PHTF2: variants seen among roughly 807,000 people sequenced by gnomAD.
The protein encoded by PHTF2 is putative homeodomain transcription factor 2.
In PHTF2, 60 loss-of-function variants were observed where a neutral mutation model predicts 101.2. That is an observed-to-expected ratio of 0.59 (90% CI 0.48 to 0.73). The LOEUF is 0.73. Ranked by LOEUF, PHTF2 falls within the 30% of genes least tolerant of loss-of-function variation. The pLI, the probability that PHTF2 is intolerant of heterozygous loss-of-function variation, is 0.00. For synonymous variants in PHTF2, 311 were observed against 307.3 expected (o/e 1.01, Z -0.13); for missense variants, 747 against 908.7 (o/e 0.82, Z 2.29).
intron 12 of PHTF2, among the ~76,000 whole-genome samples, chr7:77,936,706 T>TAAAAAAAAAAAAAA (rs1195512245): frequency 7.3e-6 from 1 of 136,942 alleles, no homozygotes; most frequent in African/African-American, 3.0e-5. Context: ...TATGAGTCCT[T>TAAAAAAAAAAAAAA]AAAAATACAC....
At chr7:77,828,570 G>C (rs1794853434) in intron 1 of PHTF2, among the ~76,000 whole-genome samples, 1 of 152,134 alleles carries the variant, frequency 6.6e-6, no homozygotes, top group Non-Finnish European at 1.5e-5. Flanking sequence ...CAGCACTTTG[G>C]GAGGCTGAGG....
intron 16 of PHTF2, among the ~76,000 whole-genome samples, chr7:77,943,213 C>T (rs1805778834): frequency 6.6e-6 from 1 of 152,182 alleles, no homozygotes; most frequent in Non-Finnish European, 1.5e-5. Context: ...CTCCGCCTCC[C>T]GGGTTCACGC....
chr7:77,815,300 A>G (rs570452741), intron 1 of PHTF2, among the ~76,000 whole-genome samples: 2 of 152,204 alleles, frequency 1.3e-5, no homozygotes, highest in East Asian at 3.9e-4. Flanking sequence ...TACCAGGAGT[A>G]TTGATTTTAG....
intron 1 of PHTF2, among the ~76,000 whole-genome samples, chr7:77,809,083 A>C (rs1160041586): frequency 6.6e-6 from 1 of 152,166 alleles, no homozygotes; most frequent in African/African-American, 2.4e-5. Flanking sequence ...TAAGCATTGT[A>C]TAGCCAGAAC....
chr7:77,830,426 G>A (rs2150548815), intron 1 of PHTF2, among the ~76,000 whole-genome samples: 2 of 152,292 alleles, frequency 1.3e-5, no homozygotes, highest in Middle Eastern at 3.4e-3. Flanking sequence ...TGAGCCAGTG[G>A]GCAAGTGAGC....
In PHTF2 at chr7:77,949,434, A is replaced by ATAT. The variant is rs568061354; in HGVS notation, c.1960-239_1960-237dup. Among the ~76,000 whole-genome samples the ATAT allele has an allele frequency of 1.3e-3, 202 of 152,256 alleles. 1 individual carries two copies. Among genetic ancestry groups the ATAT allele is most frequent in the African/African-American group, 4.6e-3 (190 of 41,568 alleles). ...TAAAGTGATTTCAACTGAATCTGTA[A>ATAT]TATTATTTTTTAATCTGAAAGAGAT... On this transcript the variant is annotated intron_variant, in intron 16 of 19. Transcript: ENST00000416283.
At chr7:77,894,400 A>T (rs997854951) in intron 5 of PHTF2, among the ~76,000 whole-genome samples, 2 of 152,180 alleles carry the variant, frequency 1.3e-5, no homozygotes, top group Non-Finnish European at 2.9e-5. Flanking sequence ...TAGTTACTTG[A>T]CATTTTCTAT....
At chr7:77,819,610 T>G (rs1191477524) in intron 1 of PHTF2, among the ~76,000 whole-genome samples, 1 of 152,236 alleles carries the variant, frequency 6.6e-6, no homozygotes, top group Non-Finnish European at 1.5e-5. Flanking sequence ...ATTATCTTTT[T>G]GATGTGTTGT....
At chr7:77,819,490 C>T (rs1416537640) in intron 1 of PHTF2, among the ~76,000 whole-genome samples, 1 of 152,078 alleles carries the variant, frequency 6.6e-6, no homozygotes, top group East Asian at 1.9e-4. Context: ...ATCAAGATGA[C>T]CATATGGTTT....
intron 3 of PHTF2, among the ~76,000 whole-genome samples, chr7:77,878,365 G>A (rs1799121324): frequency 6.6e-6 from 1 of 152,084 alleles, no homozygotes; most frequent in Non-Finnish European, 1.5e-5. Context: ...GGTCTGGGTG[G>A]CGCCAGCTTG....
At position 77,914,900 on chromosome 7, in the gene PHTF2, G is replaced by GTTA. The variant is rs758115834; in HGVS notation, c.776+4504_776+4506dup. 2.2e-3 allele frequency among the ~76,000 whole-genome samples: 338 copies of GTTA among 152,110 alleles called. 1 individual carries two copies. Among genetic ancestry groups the GTTA allele is most frequent in the Non-Finnish European group, 3.3e-3 (223 of 67,982 alleles). ...TATAAGCTGTTTCCTCATTATTATT[G>GTTA]TTATTATTATTATTAGTTTTTTTGG... On this transcript the variant is annotated intron_variant, in intron 9 of 19. Coordinates refer to ENST00000416283, the Ensembl canonical transcript of PHTF2.
chr7:77,913,667 T>G (rs957242106), intron 9 of PHTF2, among the ~76,000 whole-genome samples: 1 of 152,124 alleles, frequency 6.6e-6, no homozygotes, highest in East Asian at 1.9e-4. Context: ...AAGGCTGGTC[T>G]CAAACTCGTG....
At chr7:77,891,686 A>G (rs557632575) in intron 3 of PHTF2, among the ~76,000 whole-genome samples, 1 of 152,002 alleles carries the variant, frequency 6.6e-6, no homozygotes. Flanking sequence ...TCCCAGGCTC[A>G]TGCAATCCTC....
intron 16 of PHTF2, among the ~76,000 whole-genome samples, chr7:77,948,426 G>T (rs1194216465): frequency 3.3e-5 from 5 of 151,290 alleles, no homozygotes; most frequent in Admixed American, 6.6e-5. Context: ...GTGGATTAAA[G>T]ATCTAAATAT....
exon 20 of PHTF2, chr7:77,956,172 A>G (rs1392526817): frequency 6.6e-6 from 1 of 152,582 alleles, no homozygotes. Context: ...TAAACTGGGC[A>G]TCTGGTTTCT....
chr7:77,908,875 G>C, exon 8 of PHTF2: 2 of 1,612,894 alleles, frequency 1.2e-6, no homozygotes, highest in Non-Finnish European at 1.7e-6. Context: ...TATGGCTGAT[G>C]CTGCTCCTGG....
intron 6 of PHTF2, 84 bp from the exon 6 acceptor site, chr7:77,901,678 T>C: frequency 6.0e-6 from 4 of 661,502 alleles, no homozygotes; most frequent in Non-Finnish European, 9.0e-6. Flanking sequence ...TGGTGATGTT[T>C]TTCAAACATT....
intron 3 of PHTF2, among the ~76,000 whole-genome samples, chr7:77,886,731 T>C (rs1445597590): frequency 6.6e-6 from 1 of 151,984 alleles, no homozygotes; most frequent in Non-Finnish European, 1.5e-5. Context: ...ATCTCCATTG[T>C]GGTGAGGGGC....
At chr7:77,836,415 T>A (rs544437449) in intron 1 of PHTF2, among the ~76,000 whole-genome samples, 142 of 152,282 alleles carry the variant, frequency 9.3e-4, no homozygotes, top group African/African-American at 3.2e-3. Context: ...TGATTGAGAT[T>A]CCGTAAAGGC....
Sources: allele counts gnomAD v4.1 joint callset (sites outside exome capture counted in the v4.1 genomes callset), GRCh38; gene constraint gnomAD v4.1.1; transcripts MANE v1.5; gene names NCBI Gene and HGNC (gene_info 2026-07-23, HGNC 2026-07-21).